DLGAP1: variants seen among roughly 807,000 people sequenced by gnomAD.
DLGAP1 encodes disks large-associated protein 1.
Under a neutral mutation model 90.8 loss-of-function variants are expected in DLGAP1, and 11 were observed. The ratio of observed to expected loss-of-function variants is 0.12; its 90% CI spans 0.08 to 0.20. DLGAP1 has a LOEUF of 0.20. DLGAP1 is among the 10% of genes least tolerant of loss of function. The probability of loss-of-function intolerance (pLI) is 1.00; values close to 1 mark genes in which losing one functional copy is unlikely to be tolerated. For synonymous variants in DLGAP1, 558 were observed against 540.7 expected, an observed-to-expected ratio of 1.03 and a Z score of -0.44; for missense variants, 1,050 against 1,333.8, an observed-to-expected ratio of 0.79 and a Z score of 3.31.
At chr18:4,121,545 T>C (rs538721043) in intron 2 of DLGAP1, among the ~76,000 whole-genome samples, 1 of 152,252 alleles carries the variant, frequency 6.6e-6, no homozygotes, top group African/African-American at 2.4e-5. Flanking sequence ...TGTCTGGTTA[T>C]CCTGGCCTGC....
chr18:4,355,678 A>G (rs1431769420), intron 1 of DLGAP1, among the ~76,000 whole-genome samples: 3 of 150,446 alleles, frequency 2.0e-5, no homozygotes, highest in Non-Finnish European at 4.4e-5. Context: ...GTGATATTGT[A>G]CTATAGTTAC....
At chr18:4,010,911 C>T (rs1343280034) in intron 2 of DLGAP1, among the ~76,000 whole-genome samples, 2 of 151,762 alleles carry the variant, frequency 1.3e-5, no homozygotes, top group African/African-American at 4.8e-5. Context: ...CACAGTGGCT[C>T]ACACCTGTAA....
At chr18:3,822,071 A>C (rs1426028114) in intron 4 of DLGAP1, 2 of 796,798 alleles carry the variant, frequency 2.5e-6, no homozygotes, top group African/African-American at 3.8e-5. Flanking sequence ...CAATTATGCA[A>C]TGTGCAGATC....
At chr18:3,579,456 C>A (rs975607292) in intron 8 of DLGAP1, among the ~76,000 whole-genome samples, 1 of 152,186 alleles carries the variant, frequency 6.6e-6, no homozygotes, top group Non-Finnish European at 1.5e-5. Flanking sequence ...GTGACCCACC[C>A]GCCTTGGCCT....
chr18:4,244,947 A>AG lies in DLGAP1; in HGVS notation c.-266-93661dup, dbSNP rs536496942. Among the ~76,000 whole-genome samples the AG allele has an allele frequency of 1.3e-3, 196 of 152,376 alleles. 1 individual carries two copies. Among genetic ancestry groups the AG allele is most frequent in the Middle Eastern group, 3.4e-3 (1 of 294 alleles). On this transcript the variant is annotated intron_variant, in intron 1 of 12. Transcript: ENST00000315677. ...GTGTCTATTAGTACATTTTCTGAAG[A>AG]GTTTGTAAGATTCTATAAACAGTTC...
At chr18:4,172,630 G>T (rs997596295) in intron 1 of DLGAP1, among the ~76,000 whole-genome samples, 1 of 152,112 alleles carries the variant, frequency 6.6e-6, no homozygotes, top group Non-Finnish European at 1.5e-5. Flanking sequence ...ATGTCAACTG[G>T]TGAACATAAG....
intron 7 of DLGAP1, among the ~76,000 whole-genome samples, chr18:3,585,053 C>T (rs557707779): frequency 1.2e-4 from 18 of 152,208 alleles, no homozygotes; most frequent in Middle Eastern, 3.4e-3. Flanking sequence ...ATGCCATGCC[C>T]GGCCCATCTT....
intron 4 of DLGAP1, among the ~76,000 whole-genome samples, chr18:3,860,597 T>C (rs2069987713): frequency 6.6e-6 from 1 of 152,230 alleles, no homozygotes; most frequent in African/African-American, 2.4e-5. Context: ...TTGAACTGCA[T>C]GGCTGTCAAT....
Position 4,267,249 on chromosome 18 carries a change from A to C in DLGAP1, c.-266-115962T>G, listed in dbSNP as rs541006310. On this transcript the variant is annotated intron_variant, in intron 1 of 12. Coordinates refer to ENST00000315677, the MANE Select transcript of DLGAP1 (RefSeq NM_004746.4). ...TAATATTACAGTCAACTGCTGTCTTAATACTGTGATTAATGCTATGTCTTA... is the reference window on the plus strand; with the variant it reads ...TAATATTACAGTCAACTGCTGTCTTCATACTGTGATTAATGCTATGTCTTA... 8.5e-5 allele frequency among the ~76,000 whole-genome samples: 13 copies of C among 152,192 alleles called. 1 individual carries two copies. The highest frequency in any genetic ancestry group is 3.1e-4 in the African/African-American group (13 of 41,490).
chr18:4,213,995 T>A (rs879506203), intron 1 of DLGAP1, among the ~76,000 whole-genome samples: 9 of 152,044 alleles, frequency 5.9e-5, no homozygotes, highest in Non-Finnish European at 1.2e-4. Context: ...CCCGAGAAAT[T>A]TCAGTGGACA....
At chr18:3,818,607 C>A (rs1163162334) in intron 4 of DLGAP1, among the ~76,000 whole-genome samples, 2 of 149,472 alleles carry the variant, frequency 1.3e-5, no homozygotes, top group Non-Finnish European at 3.0e-5. Flanking sequence ...TATTTCAATA[C>A]CTTTTTTTTT....
chr18:3,610,181 T>C (rs12956729), intron 7 of DLGAP1, among the ~76,000 whole-genome samples: 40,509 of 151,986 alleles, frequency 0.27, 6,641 homozygotes, highest in Non-Finnish European at 0.35. Context: ...CAAAATATAC[T>C]TCTTTGGCAT....
chr18:4,170,856 ATTTG>A (rs1488739344), intron 1 of DLGAP1, among the ~76,000 whole-genome samples: 1 of 152,018 alleles, frequency 6.6e-6, no homozygotes, highest in Non-Finnish European at 1.5e-5. Context: ...TTTTACCTTT[ATTTG>A]TTTGTTTGCT....
intron 6 of DLGAP1, among the ~76,000 whole-genome samples, chr18:3,735,861 A>G (rs2062617457): frequency 1.3e-5 from 2 of 152,138 alleles, no homozygotes; most frequent in Non-Finnish European, 2.9e-5. Context: ...AAGAGTCAGG[A>G]CACTTGGGTT....
At position 3,879,374 on chromosome 18, in the gene DLGAP1, G is replaced by A; in HGVS notation, c.695C>T (p.Ala232Val). The A allele has an allele frequency of 6.2e-7, 1 of 1,613,422 alleles. No individual in the cohort carries two copies. The highest frequency in any genetic ancestry group is 8.5e-7 in the Non-Finnish European group (1 of 1,179,868). Reference protein sequence around the residue: ...MTMGRCPDRSASQYFLEAYNT... With the variant: ...MTMGRCPDRSVSQYFLEAYNT... ...GTAGGCCTCCAGGAAGTACTGTGAG[G>A]CCGAGCGGTCGGGGCACCTGCCCAT... Residue 232 changes from alanine to valine, a missense_variant, in exon 4 of 13, where the codon GCC (alanine) becomes GTC (valine). By Grantham distance (64) the Ala-to-Val change is moderately conservative. Coordinates refer to ENST00000315677, the MANE Select transcript of DLGAP1 (RefSeq NM_004746.4). The surrounding 1 kb of genome is among the most constrained non-coding windows in gnomAD (Gnocchi z 6.6).
chr18:3,816,503 C>T (rs2067113932), intron 4 of DLGAP1, among the ~76,000 whole-genome samples: 1 of 152,132 alleles, frequency 6.6e-6, no homozygotes, highest in East Asian at 1.9e-4. Context: ...TATTCATGGT[C>T]TTGAAAACAG....
intron 4 of DLGAP1, among the ~76,000 whole-genome samples, chr18:3,877,487 C>G (rs949355499): frequency 7.2e-5 from 11 of 152,096 alleles, no homozygotes; most frequent in Admixed American, 5.2e-4. Flanking sequence ...TTTGTTTTTG[C>G]CACTGGTCAT....
At chr18:4,382,245 C>T (rs1210239513) in intron 1 of DLGAP1, among the ~76,000 whole-genome samples, 1 of 152,076 alleles carries the variant, frequency 6.6e-6, no homozygotes, top group Non-Finnish European at 1.5e-5. Flanking sequence ...AGTCCCATTC[C>T]CAGCACACCT....
intron 1 of DLGAP1, among the ~76,000 whole-genome samples, chr18:4,388,419 C>G (rs970367231): frequency 2.0e-5 from 3 of 152,094 alleles, no homozygotes; most frequent in African/African-American, 4.8e-5. Flanking sequence ...AGGAGACATT[C>G]CTTCACCTGG....
Sources: gnomAD v4.1 joint callset for allele counts (sites outside exome capture counted in the v4.1 genomes callset) on GRCh38, gnomAD v4.1.1 for gene constraint, Gnocchi (gnomAD v3.1) non-coding constraint, MANE v1.5 for transcripts, NCBI Gene and HGNC (gene_info 2026-07-23, HGNC 2026-07-21) for gene names.